The following DPH6 variants were observed in gnomAD, a reference collection of about 807,000 sequenced individuals.
DPH6 encodes the protein diphthine--ammonia ligase.
DPH6 carries 33 observed loss-of-function variants against 38.2 expected under a neutral mutation model. The observed-to-expected ratio is 0.86, with a 90% confidence interval of 0.65 to 1.15. The LOEUF is 1.15. Ranked by LOEUF, DPH6 falls within the 50% of genes most tolerant of loss-of-function variation. DPH6 has a pLI of 0.00. For synonymous variants in DPH6, 108 were observed against 103.0 expected (o/e 1.05, Z -0.30); for missense variants, 325 against 320.0 (o/e 1.02, Z -0.12).
At chr15:35,363,201 CTG>C (rs1208994138) in intron 3 of DPH6, among the ~76,000 whole-genome samples, 1 of 151,978 alleles carries the variant, frequency 6.6e-6, no homozygotes, top group African/African-American at 2.4e-5. Context: ...ATGATTTTGT[CTG>C]TTTTTAAAAT....
chr15:35,175,326 GTT>G, the DPH6 span, among the ~76,000 whole-genome samples: 1 of 152,174 alleles, frequency 6.6e-6, no homozygotes, highest in African/African-American at 2.4e-5. Flanking sequence ...ATAATGACAG[GTT>G]ACAGGCACTT....
At chr15:35,485,420 A>G (rs930587824) in intron 3 of DPH6, among the ~76,000 whole-genome samples, 4 of 152,214 alleles carry the variant, frequency 2.6e-5, no homozygotes, top group Admixed American at 1.3e-4. Flanking sequence ...CTTTGCCAAG[A>G]TAGGGTCATT....
At chr15:35,183,147 A>G in the DPH6 span, among the ~76,000 whole-genome samples, 3 of 152,194 alleles carry the variant, frequency 2.0e-5, no homozygotes, top group African/African-American at 4.8e-5. Flanking sequence ...CTACTTTACA[A>G]ATCATATCCT....
intron 3 of DPH6, among the ~76,000 whole-genome samples, chr15:35,473,776 G>T (rs1411548844): frequency 3.3e-5 from 5 of 151,942 alleles, no homozygotes; most frequent in Non-Finnish European, 7.4e-5. Flanking sequence ...TCCTCAGTAG[G>T]GCAGTGGTTA....
At chr15:35,481,468 C>T (rs545018562) in intron 3 of DPH6, among the ~76,000 whole-genome samples, 6 of 151,882 alleles carry the variant, frequency 4.0e-5, no homozygotes, top group Non-Finnish European at 5.9e-5. Context: ...GATCTTGATT[C>T]AAACAAAAAA....
intron 6 of DPH6, chr15:35,401,653 G>A: frequency 1.3e-6 from 1 of 751,772 alleles, no homozygotes; most frequent in Middle Eastern, 3.7e-4. Context: ...AACTTTGGAG[G>A]CAGAAACTCT....
chr15:35,542,006 G>T (rs555907179), intron 2 of DPH6, among the ~76,000 whole-genome samples: 1 of 152,168 alleles, frequency 6.6e-6, no homozygotes, highest in Admixed American at 6.5e-5. Context: ...TTATCAATAT[G>T]TGTCTTACTT....
chr15:35,152,690 G>A, the DPH6 span, among the ~76,000 whole-genome samples: 4 of 152,076 alleles, frequency 2.6e-5, no homozygotes, highest in Non-Finnish European at 5.9e-5. Flanking sequence ...GTAGAGACGA[G>A]GTTTCACCAT....
chr15:35,215,203 G>A (rs2051404894), downstream of DPH6, among the ~76,000 whole-genome samples: 2 of 152,178 alleles, frequency 1.3e-5, no homozygotes, highest in Non-Finnish European at 1.5e-5. Flanking sequence ...TTGCCCACTT[G>A]GTAGAGAATG....
intron 3 of DPH6, among the ~76,000 whole-genome samples, chr15:35,275,713 T>TAAA (rs56006226): frequency 7.0e-6 from 1 of 141,908 alleles, no homozygotes; most frequent in African/African-American, 2.6e-5. Flanking sequence ...GACCTTAAAG[T>TAAA]AAAAAAAAAA....
chr15:35,543,401 A>G (rs1198833037), intron 1 of DPH6, among the ~76,000 whole-genome samples: 1 of 151,514 alleles, frequency 6.6e-6, no homozygotes, highest in Non-Finnish European at 1.5e-5. Context: ...GACGCATATC[A>G]CTTAGTAAAG....
chr15:35,542,965 T>TATATATATATATATATATATATAAAAAA (rs58422347), intron 1 of DPH6, among the ~76,000 whole-genome samples: 1 of 76,178 alleles, frequency 1.3e-5, no homozygotes, highest in South Asian at 5.8e-4. Context: ...TATATATATA[T>TATATATATATATATATATATATAAAAAA]AAAATAATTT....
chr15:35,319,552 C>T (rs1279120952), intron 3 of DPH6, among the ~76,000 whole-genome samples: 1 of 151,982 alleles, frequency 6.6e-6, no homozygotes, highest in Non-Finnish European at 1.5e-5. Flanking sequence ...ACCAGGCTGG[C>T]CAACGTGGAG....
At chr15:35,268,169 CAAAAAATA>C (rs1566855171) in intron 3 of DPH6, among the ~76,000 whole-genome samples, 2 of 112,902 alleles carry the variant, frequency 1.8e-5, no homozygotes, top group African/African-American at 6.7e-5. Flanking sequence ...GACTCTGTCT[CAAAAAATA>C]AATAAATAAA....
chr15:35,300,897 T>C (rs1399204151), intron 3 of DPH6, among the ~76,000 whole-genome samples: 5 of 152,208 alleles, frequency 3.3e-5, no homozygotes, highest in Non-Finnish European at 5.9e-5. Flanking sequence ...ACCTGTTTTA[T>C]AGAGTGCCAC....
At chr15:35,158,402 C>T in the DPH6 span, among the ~76,000 whole-genome samples, 6 of 151,984 alleles carry the variant, frequency 3.9e-5, no homozygotes, top group African/African-American at 1.4e-4. Flanking sequence ...ATGCACTCAC[C>T]AAATGTAATA....
chr15:35,289,079 A>G (rs1361418740), intron 3 of DPH6, among the ~76,000 whole-genome samples: 2 of 152,210 alleles, frequency 1.3e-5, no homozygotes, highest in African/African-American at 4.8e-5. Context: ...TTAAATGAAG[A>G]TTAAAATCAA....
chr15:35,245,069 T>G (rs2051626765), intron 3 of DPH6, among the ~76,000 whole-genome samples: 1 of 152,006 alleles, frequency 6.6e-6, no homozygotes, highest in Non-Finnish European at 1.5e-5. Context: ...ATATTGTTAG[T>G]GTGATTTAAA....
At chr15:35,504,081 C>A in intron 3 of DPH6, among the ~76,000 whole-genome samples, 1 of 151,830 alleles carries the variant, frequency 6.6e-6, no homozygotes, top group East Asian at 1.9e-4. Flanking sequence ...AGACCTAGCC[C>A]CTATCTCTCC....
Sources: gnomAD v4.1 joint callset for allele counts (sites outside exome capture counted in the v4.1 genomes callset) on GRCh38, gnomAD v4.1.1 for gene constraint, MANE v1.5 for transcripts, NCBI Gene and HGNC (gene_info 2026-07-23, HGNC 2026-07-21) for gene names.